The following TPP2 variants were observed in gnomAD, a reference collection of about 807,000 sequenced individuals.
TPP2 encodes the protein tripeptidyl peptidase 2.
TPP2 carries 34 observed loss-of-function variants against 155.9 expected under a neutral mutation model. That is an observed-to-expected ratio of 0.22 (90% CI 0.17 to 0.29). TPP2 has a LOEUF of 0.29. Ranked by LOEUF, TPP2 falls within the 10% of genes least tolerant of loss-of-function variation. The pLI, the probability that TPP2 is intolerant of heterozygous loss-of-function variation, is 1.00. For synonymous variants in TPP2, 510 were observed against 529.4 expected, an observed-to-expected ratio of 0.96 and a Z score of 0.50; for missense variants, 1,028 against 1,522.3, an observed-to-expected ratio of 0.68 and a Z score of 5.40.
chr13:102,615,341 G>C (rs1306843168), intron 3 of TPP2, among the ~76,000 whole-genome samples: 1 of 152,000 alleles, frequency 6.6e-6, no homozygotes, highest in African/African-American at 2.4e-5. Context: ...GTAGGGATGG[G>C]GTTTCACCAT....
chr13:102,665,624 T>C (rs1420202593), intron 27 of TPP2, among the ~76,000 whole-genome samples: 1 of 152,204 alleles, frequency 6.6e-6, no homozygotes, highest in Non-Finnish European at 1.5e-5. Context: ...CATGAACTCT[T>C]AAACCATCAC....
At chr13:102,629,318 T>G (rs975716577) in intron 8 of TPP2, among the ~76,000 whole-genome samples, 164 bp from the exon 9 acceptor site, 1 of 152,156 alleles carries the variant, frequency 6.6e-6, no homozygotes, top group African/African-American at 2.4e-5. Context: ...TTCCCTACCC[T>G]AAAGCCCAAG....
intron 11 of TPP2, 86 bp downstream of exon 11, chr13:102,634,184 A>G: frequency 6.4e-7 from 1 of 1,556,290 alleles, no homozygotes; most frequent in Non-Finnish European, 8.8e-7. Context: ...ATGTGGTAGA[A>G]TTGATAATTC....
chr13:102,619,635 C>T (rs1004848954), intron 5 of TPP2, among the ~76,000 whole-genome samples: 1 of 152,164 alleles, frequency 6.6e-6, no homozygotes, highest in Non-Finnish European at 1.5e-5. Context: ...TCTCCTCCCA[C>T]GTGTGCAGGT....
At chr13:102,672,564 A>G (rs1015077609) in intron 27 of TPP2, among the ~76,000 whole-genome samples, 1 of 152,148 alleles carries the variant, frequency 6.6e-6, no homozygotes, top group Non-Finnish European at 1.5e-5. Flanking sequence ...TGACCAATCT[A>G]CAAGTATCAG....
In TPP2 at chr13:102,622,950, G is replaced by A. The variant is rs756044005; in HGVS notation, c.694G>A (p.Glu232Lys). The change falls in exon 6 of 30, where the codon GAA (glutamate) becomes AAA (lysine). Residue 232 changes from glutamate to lysine, a missense_variant. Glu to Lys is a moderately conservative substitution (Grantham distance 56). Transcript: ENST00000376052. ...TVLRNYKEAQ[E>K]YGSFGTAEML... is the part of the protein sequence containing the mutation. ...GTTGAGAAACTACAAAGAAGCCCAA[G>A]AATATGGCTCTTTTGGCACAGCTGA... The A allele has an allele frequency of 3.7e-6, 6 of 1,614,114 alleles. No homozygotes were observed. The highest frequency in any genetic ancestry group is 1.3e-5 in the African/African-American group (1 of 75,034).
chr13:102,676,649 T>G (rs1885296049), intron 29 of TPP2, among the ~76,000 whole-genome samples: 1 of 152,220 alleles, frequency 6.6e-6, no homozygotes, highest in South Asian at 2.1e-4. Flanking sequence ...TAGCCTCAAA[T>G]GTTTTCAACA....
At chr13:102,610,724 C>T (rs989329688) in intron 2 of TPP2, among the ~76,000 whole-genome samples, 2 of 152,106 alleles carry the variant, frequency 1.3e-5, no homozygotes, top group African/African-American at 2.4e-5. Flanking sequence ...CTACTTATGA[C>T]CTATGGTACT....
At chr13:102,652,404 A>C (rs1171624013) in intron 24 of TPP2, among the ~76,000 whole-genome samples, 15 of 2,330 alleles carry the variant, frequency 6.4e-3, no homozygotes, top group Non-Finnish European at 9.4e-3. Context: ...ATACATATAT[A>C]TATATATATA....
rs780120613 is a variant in TPP2 at position 102,597,110 on chromosome 13, C to G, written c.72C>G (p.Ala24=). The part of the protein sequence containing the change: ...GLLPKKETGA[A]SFLCRYPEYD... ...TGCCGAAGAAGGAGACCGGAGCCGC[C>G]TCCTTCCTCTGCCGCTACCCGGAGT... The change falls in exon 1 of 30, where the codon GCC becomes GCG. Residue 24 remains alanine, a synonymous_variant. Coordinates refer to ENST00000376052, the MANE Select transcript of TPP2 (RefSeq NM_001330588.2). 1.9e-5 allele frequency: 30 copies of G among 1,611,360 alleles called. No homozygotes were observed. The highest frequency in any genetic ancestry group is 2.2e-5 in the Non-Finnish European group (26 of 1,179,296).
intron 8 of TPP2, among the ~76,000 whole-genome samples, chr13:102,628,395 C>T (rs967452122): frequency 6.6e-6 from 1 of 152,110 alleles, no homozygotes; most frequent in Non-Finnish European, 1.5e-5. Flanking sequence ...TATACATACC[C>T]GACAGACGCC....
At chr13:102,626,782 C>A in intron 6 of TPP2, 1 of 315,788 alleles carries the variant, frequency 3.2e-6, no homozygotes, top group Non-Finnish European at 5.7e-6. Context: ...GGGATTCTCC[C>A]TTTTTTTATT....
Position 102,676,348 on chromosome 13 carries a change from G to T in TPP2, c.3632G>T (p.Gly1211Val). The T allele has an allele frequency of 6.2e-7, 1 of 1,610,060 alleles. No homozygotes were observed. The highest frequency in any genetic ancestry group is 8.5e-7 in the Non-Finnish European group (1 of 1,177,148). ...HALVNKMYGR[G>V]LKFATKLVEE... is the part of the protein sequence containing the mutation. ...TTAGTAAATAAAATGTATGGGAGAGGCCTTAAATTTGCAACTAAACTTGTG... is the reference window on the plus strand; with the variant it reads ...TTAGTAAATAAAATGTATGGGAGAGTCCTTAAATTTGCAACTAAACTTGTG... Residue 1211 changes from glycine to valine, a missense_variant, in exon 29 of 30, where the codon GGC becomes GTC. By Grantham distance (109) the Gly-to-Val change is moderately radical. Around this residue, in one of 7 missense-constraint regions of TPP2, gnomAD observed 41 missense variants for 78.3 expected, o/e 0.52. Transcript: ENST00000376052.
chr13:102,597,439 C>T lies in TPP2; in HGVS notation c.165+236C>T, dbSNP rs1473094555. On this transcript the variant is annotated intron_variant, in intron 1 of 29. Transcript: ENST00000376052. ...GCTGGGCGGGCGAGGGCCCGGACCC[C>T]AGGTTGGGCCGTGGTCCCCCCAGCT... Among the ~76,000 whole-genome samples the T allele has an allele frequency of 2.6e-5, 4 of 152,302 alleles. No homozygotes were observed. In the East Asian group the frequency reaches 5.8e-4, roughly 22 times the overall value.
chr13:102,604,075 G>T (rs557439247), intron 1 of TPP2, among the ~76,000 whole-genome samples: 2 of 152,160 alleles, frequency 1.3e-5, no homozygotes, highest in Admixed American at 1.3e-4. Context: ...TGGGCGTGGG[G>T]ATTCCTGGGA....
intron 25 of TPP2, among the ~76,000 whole-genome samples, chr13:102,662,107 A>C (rs749344704): frequency 6.6e-6 from 1 of 152,202 alleles, no homozygotes; most frequent in Non-Finnish European, 1.5e-5. Context: ...TACATGCTCC[A>C]ACATGAATGC....
intron 1 of TPP2, among the ~76,000 whole-genome samples, chr13:102,603,799 T>A (rs1879610558): frequency 6.6e-6 from 1 of 152,146 alleles, no homozygotes; most frequent in Non-Finnish European, 1.5e-5. Flanking sequence ...TTTTGGAGCA[T>A]TTGGAATTTT....
At chr13:102,672,268 A>G (rs1031935144) in intron 27 of TPP2, among the ~76,000 whole-genome samples, 18 of 152,208 alleles carry the variant, frequency 1.2e-4, no homozygotes, top group Non-Finnish European at 2.5e-4. Context: ...AGAATTAATG[A>G]CAAAAGCTTG....
intron 20 of TPP2, 69 bp downstream of exon 20, chr13:102,646,459 C>T: frequency 1.6e-6 from 2 of 1,251,346 alleles, no homozygotes; most frequent in Non-Finnish European, 1.1e-6. Context: ...TTCATAGAAT[C>T]AAAAATGGAA....
Sources: gnomAD v4.1 joint callset for allele counts (sites outside exome capture counted in the v4.1 genomes callset) on GRCh38, gnomAD v4.1.1 for gene constraint, gnomAD v4.1.1 regional missense constraint, MANE v1.5 for transcripts, NCBI Gene and HGNC (gene_info 2026-07-23, HGNC 2026-07-21) for gene names.